ENPP6: variants seen among roughly 807,000 people sequenced by gnomAD.
The protein encoded by ENPP6 is ectonucleotide pyrophosphatase/phosphodiesterase 6.
Under a neutral mutation model 42.0 loss-of-function variants are expected in ENPP6, and 32 were observed. The observed-to-expected ratio is 0.76, with a 90% CI of 0.58 to 1.02. ENPP6 has a LOEUF of 1.02. Among genes scored for constraint, ENPP6 ranks in the 50% least tolerant of loss-of-function variants. The probability of loss-of-function intolerance (pLI) is 0.00; values close to 1 mark genes in which losing one functional copy is unlikely to be tolerated. For synonymous variants in ENPP6, 213 were observed against 216.0 expected, an observed-to-expected ratio of 0.99 and a Z score of 0.12; for missense variants, 552 against 566.8, an observed-to-expected ratio of 0.97 and a Z score of 0.27.
At chr4:184,109,239 A>C (rs111957606) in intron 6 of ENPP6, among the ~76,000 whole-genome samples, 2,862 of 104,904 alleles carry the variant, frequency 0.027, 97 homozygotes, top group African/African-American at 0.086. Flanking sequence ...ACAACAAAAA[A>C]AAACAAAACA....
chr4:184,099,652 C>T (rs1249108703), intron 6 of ENPP6, among the ~76,000 whole-genome samples: 3 of 152,230 alleles, frequency 2.0e-5, no homozygotes, highest in Non-Finnish European at 4.4e-5. Context: ...ATCGCCCCCT[C>T]GCATTGCAGC....
At chr4:184,208,896 G>C (rs936025531) in intron 1 of ENPP6, among the ~76,000 whole-genome samples, 4 of 143,974 alleles carry the variant, frequency 2.8e-5, no homozygotes, top group Non-Finnish European at 4.6e-5. Context: ...TCTGAGAACG[G>C]GCAGACTGCC....
At chr4:184,116,834 G>T in intron 5 of ENPP6, 22 bp downstream of exon 5, 2 of 1,611,296 alleles carry the variant, frequency 1.2e-6, no homozygotes, top group Non-Finnish European at 1.7e-6. Flanking sequence ...GCCCTCCTCC[G>T]CCCCCCACGG....
At chr4:184,151,083 A>G (rs1737016706) in intron 2 of ENPP6, among the ~76,000 whole-genome samples, 1 of 152,216 alleles carries the variant, frequency 6.6e-6, no homozygotes. Context: ...CATGCCTATA[A>G]TCCCAGCACT....
intron 7 of ENPP6, among the ~76,000 whole-genome samples, chr4:184,095,787 A>G (rs539659293): frequency 1.1e-3 from 160 of 152,108 alleles, no homozygotes; most frequent in African/African-American, 3.7e-3. Flanking sequence ...GGAGGGTGCC[A>G]TGCTTTTGAA....
In ENPP6 at chr4:184,149,610, T is replaced by C. The variant is rs566225708; in HGVS notation, c.421+3944A>G. The stretch of plus-strand genomic sequence containing the variant: ...CACACCCAACACCATTCCAGGAGCA[T>C]ATGAGTGGTTGCATCCAAGTCCTCC... On this transcript the variant is annotated intron_variant, in intron 2 of 7. Transcript: ENST00000296741. Among the ~76,000 whole-genome samples, 8 of 152,264 alleles carry C rather than the reference T, an allele frequency of 5.3e-5. No individual in the cohort carries two copies. The South Asian group carries it at 1.7e-3, about 32-fold the overall frequency.
intron 7 of ENPP6, among the ~76,000 whole-genome samples, chr4:184,092,471 G>T (rs1735824475): frequency 6.6e-6 from 1 of 152,182 alleles, no homozygotes; most frequent in African/African-American, 2.4e-5. Context: ...AGAACACACA[G>T]GTAGGGTGGC....
intron 2 of ENPP6, among the ~76,000 whole-genome samples, chr4:184,151,970 G>A (rs1271357151): frequency 1.3e-5 from 2 of 152,182 alleles, no homozygotes; most frequent in South Asian, 2.1e-4. Flanking sequence ...GGTGTCTTGC[G>A]TCAGCCGAGG....
At chr4:184,208,343 A>G (rs1050710547) in intron 1 of ENPP6, among the ~76,000 whole-genome samples, 1 of 152,118 alleles carries the variant, frequency 6.6e-6, no homozygotes. Context: ...TCATCTCACT[A>G]GGGAGTGCCA....
intron 6 of ENPP6, among the ~76,000 whole-genome samples, chr4:184,101,567 G>A (rs780105736): frequency 3.9e-5 from 6 of 152,220 alleles, no homozygotes; most frequent in Non-Finnish European, 8.8e-5. Context: ...GAGAGGAACT[G>A]GGTTGTTTTG....
chr4:184,147,571 G>A (rs13104345), intron 2 of ENPP6, among the ~76,000 whole-genome samples: 144,803 of 152,194 alleles, frequency 0.95, 69,262 homozygotes, highest in East Asian at 1. Context: ...GCTTGAGTAC[G>A]GGATTCGAGA....
chr4:184,161,173 A>T (rs915272210), intron 1 of ENPP6, among the ~76,000 whole-genome samples: 1 of 152,230 alleles, frequency 6.6e-6, no homozygotes, highest in Admixed American at 6.5e-5. Flanking sequence ...ACCAGAATCT[A>T]CAAGGAACTC....
At chr4:184,207,354 G>T (rs188039566) in intron 1 of ENPP6, among the ~76,000 whole-genome samples, 367 of 152,334 alleles carry the variant, frequency 2.4e-3, no homozygotes, top group African/African-American at 8.5e-3. Flanking sequence ...AAGTTACGCT[G>T]CCTCAAAACA....
At chr4:184,129,432 G>A (rs1022728102) in intron 2 of ENPP6, among the ~76,000 whole-genome samples, 2 of 152,014 alleles carry the variant, frequency 1.3e-5, no homozygotes, top group Non-Finnish European at 1.5e-5. Flanking sequence ...CCATAAGTAC[G>A]TTTCAACTTA....
At chr4:184,174,135 CTT>C (rs36058407) in intron 1 of ENPP6, among the ~76,000 whole-genome samples, 5,369 of 130,928 alleles carry the variant, frequency 0.041, 266 homozygotes, top group African/African-American at 0.12. Context: ...GTCCCAAATC[CTT>C]TTTTTTTTTT....
Position 184,097,187 on chromosome 4 carries a change from C to G in ENPP6, c.1117+58G>C. ...GCCTCTCCTGGCACCCGTAGCCCCC[C>G]TTACAGACACTTCCTTGGGAATGGG... On this transcript the variant is annotated intron_variant, in intron 7 of 7. Transcript: ENST00000296741. 2.5e-6 allele frequency: 4 copies of G among 1,608,462 alleles called. No individual in the cohort carries two copies. In the South Asian group the frequency reaches 4.4e-5, roughly 18 times the overall value.
intron 1 of ENPP6, among the ~76,000 whole-genome samples, chr4:184,206,336 C>T (rs1051381886): frequency 9.4e-5 from 11 of 116,956 alleles, no homozygotes; most frequent in Non-Finnish European, 1.7e-4. Flanking sequence ...CGGCTCACTG[C>T]AAGCTCCGCC....
intron 1 of ENPP6, among the ~76,000 whole-genome samples, chr4:184,200,815 C>T (rs997866635): frequency 2.0e-5 from 3 of 152,232 alleles, no homozygotes; most frequent in African/African-American, 7.2e-5. Context: ...CTGGAGCCCA[C>T]TCCTGGTCCC....
In ENPP6 at chr4:184,184,755, T is replaced by C. The variant is rs1434545166; in HGVS notation, c.242-31022A>G. Among the ~76,000 whole-genome samples the C allele has an allele frequency of 6.6e-6, 1 of 152,064 alleles. No homozygotes were observed. The highest frequency in any genetic ancestry group is 1.5e-5 in the Non-Finnish European group (1 of 68,000). The stretch of plus-strand genomic sequence containing the variant: ...CCACAGGCCCAAAAAGGCCAAGGAA[T>C]TCTGGCGGCACCAGCAGCTGGAGGA... On this transcript the variant is annotated intron_variant, in intron 1 of 7. Coordinates refer to ENST00000296741, the MANE Select transcript of ENPP6 (RefSeq NM_153343.4). This position sits in a 1 kb window ranked among gnomAD's most constrained non-coding sequence, Gnocchi z 4.7.
Sources: allele counts gnomAD v4.1 joint callset (sites outside exome capture counted in the v4.1 genomes callset), GRCh38; gene constraint gnomAD v4.1.1; non-coding constraint Gnocchi (gnomAD v3.1); transcripts MANE v1.5; gene names NCBI Gene and HGNC (gene_info 2026-07-23, HGNC 2026-07-21).